Variants in DTNA observed in about 807,000 individuals in gnomAD.
DTNA encodes the protein dystrobrevin alpha, also known as dystrophin-related protein 3.
A neutral mutation model predicts 100.7 loss-of-function variants in DTNA; 43 were observed. The observed-to-expected ratio is 0.43, with a 90% confidence interval of 0.33 to 0.55. The LOEUF (loss-of-function observed/expected upper bound fraction) is 0.55, where lower values mean the gene tolerates loss of function less well. DTNA is among the 20% of genes least tolerant of loss of function. The pLI, the probability that DTNA is intolerant of heterozygous loss-of-function variation, is 0.04. For missense variants in DTNA, 798 were observed against 953.9 expected (o/e 0.84, Z 2.15); for synonymous variants, 349 against 347.9 (o/e 1.00, Z -0.04).
intron 3 of DTNA, among the ~76,000 whole-genome samples, chr18:34,781,860 T>C (rs1047689493): frequency 6.6e-6 from 1 of 152,178 alleles, no homozygotes; most frequent in African/African-American, 2.4e-5. Context: ...CTTCATCTAT[T>C]TGAGTTTATG....
intron 1 of DTNA, among the ~76,000 whole-genome samples, chr18:34,613,812 A>G (rs1440877899): frequency 6.6e-6 from 1 of 152,360 alleles, no homozygotes; most frequent in East Asian, 1.9e-4. Context: ...GTGAAGTACC[A>G]AGTACTGATG....
chr18:34,577,602 G>A (rs1392304448), intron 1 of DTNA, among the ~76,000 whole-genome samples: 2 of 151,940 alleles, frequency 1.3e-5, no homozygotes, highest in Non-Finnish European at 2.9e-5. Flanking sequence ...CCCTTCCCTG[G>A]TGAGTCCCCA....
At chr18:34,498,444 T>A (rs965730394) in intron 1 of DTNA, among the ~76,000 whole-genome samples, 9 of 57,112 alleles carry the variant, frequency 1.6e-4, no homozygotes, top group Non-Finnish European at 2.8e-4. Context: ...GAAAATAATA[T>A]AATAATAATA....
At chr18:34,591,465 T>C (rs1203047807) in intron 1 of DTNA, among the ~76,000 whole-genome samples, 5 of 152,204 alleles carry the variant, frequency 3.3e-5, no homozygotes, top group Admixed American at 3.3e-4. Context: ...TAGTGCTCAC[T>C]CTGAGATACA....
At chr18:34,713,280 A>G (rs2083270082) in intron 1 of DTNA, among the ~76,000 whole-genome samples, 1 of 152,222 alleles carries the variant, frequency 6.6e-6, no homozygotes, top group Non-Finnish European at 1.5e-5. Context: ...AATGGGTAGT[A>G]TGATTCTCAG....
At chr18:34,887,656 TGC>T (rs1338605581) in intron 22 of DTNA, 108 bp from the exon 23 acceptor site, 17 of 750,826 alleles carry the variant, frequency 2.3e-5, no homozygotes, top group South Asian at 1.2e-4. Flanking sequence ...TGTGTGTGTG[TGC>T]GCGCGCACTT....
At chr18:34,667,179 G>GA (rs1225580640) in intron 1 of DTNA, among the ~76,000 whole-genome samples, 5 of 152,086 alleles carry the variant, frequency 3.3e-5, no homozygotes, top group Non-Finnish European at 7.4e-5. Flanking sequence ...TATTCTCTTT[G>GA]AAGCAATTGT....
chr18:34,555,758 T>C (rs2146071109), intron 1 of DTNA, among the ~76,000 whole-genome samples: 1 of 152,364 alleles, frequency 6.6e-6, no homozygotes, highest in African/African-American at 2.4e-5. Flanking sequence ...TTATTATCTC[T>C]GTTCTTTTAC....
intron 1 of DTNA, among the ~76,000 whole-genome samples, chr18:34,689,730 T>C (rs2079460175): frequency 1.3e-5 from 2 of 152,202 alleles, no homozygotes; most frequent in African/African-American, 2.4e-5. Flanking sequence ...TTAAGTTTGC[T>C]GAAGCTGCGC....
chr18:34,674,268 C>G (rs2077131066), intron 1 of DTNA, among the ~76,000 whole-genome samples: 1 of 152,200 alleles, frequency 6.6e-6, no homozygotes, highest in South Asian at 2.1e-4. Flanking sequence ...AACAACTAAA[C>G]TGTCACAGCC....
Position 34,879,679 on chromosome 18 carries a change from A to C in DTNA, c.2122A>C (p.Ile708Leu), listed in dbSNP as rs138145650. 6 of 1,614,016 alleles carry C rather than the reference A, an allele frequency of 3.7e-6. No individual in the cohort carries two copies. Among genetic ancestry groups the C allele is most frequent in the Non-Finnish European group, 5.1e-6 (6 of 1,180,012 alleles). The part of the protein sequence containing the change: ...AQIHARKPGY[I>L]HSGATTSTMR... ...AATCCATGCCCGAAAACCTGGGTAC[A>C]TTCACAGTGGAGCTACCACAAGTAC... The change falls in exon 20 of 23, where the codon ATT becomes CTT. Residue 708 changes from isoleucine (I) to leucine (L), a missense_variant. Around this residue, in one of 6 missense-constraint regions of DTNA, gnomAD observed 242 missense variants for 238.2 expected, o/e 1.02. Transcript: ENST00000444659.
intron 1 of DTNA, among the ~76,000 whole-genome samples, chr18:34,588,060 C>T (rs1021543839): frequency 2.0e-5 from 3 of 152,146 alleles, no homozygotes; most frequent in Admixed American, 6.5e-5. Flanking sequence ...AAACTGATTT[C>T]TTACCCTATC....
chr18:34,565,990 G>T (rs1398889283), intron 1 of DTNA, among the ~76,000 whole-genome samples: 2 of 152,116 alleles, frequency 1.3e-5, no homozygotes, highest in African/African-American at 4.8e-5. Flanking sequence ...AAAATGCCTG[G>T]CAAATAGCAA....
intron 1 of DTNA, among the ~76,000 whole-genome samples, chr18:34,530,813 T>A (rs937667282): frequency 1.3e-5 from 2 of 152,108 alleles, no homozygotes; most frequent in African/African-American, 4.8e-5. Flanking sequence ...TCTTAACCAT[T>A]CTGCTAATTT....
chr18:34,860,187 C>T (rs2096601736), intron 16 of DTNA, among the ~76,000 whole-genome samples: 1 of 148,438 alleles, frequency 6.7e-6, no homozygotes, highest in Non-Finnish European at 1.5e-5. Flanking sequence ...GCTGGGATTA[C>T]AGGCGCGTGC....
intron 1 of DTNA, among the ~76,000 whole-genome samples, chr18:34,494,341 G>A (rs1315988409): frequency 2.0e-5 from 3 of 150,714 alleles, no homozygotes; most frequent in African/African-American, 7.3e-5. Context: ...GCCTGGGTGG[G>A]AGTGGGCTCC....
Position 34,881,195 on chromosome 18 carries a change from G to A in DTNA, c.2163-874G>A, listed in dbSNP as rs1411433851. On this transcript the variant is annotated intron_variant, in intron 20 of 22. Transcript: ENST00000444659. ...ACAACGACATTTAAGTTCCAACCTAGAAACTTCTTCTTGACCACTTATTTC... is the reference window on the plus strand; with the variant it reads ...ACAACGACATTTAAGTTCCAACCTAAAAACTTCTTCTTGACCACTTATTTC... Among the ~76,000 whole-genome samples the A allele has an allele frequency of 2.0e-5, 3 of 152,126 alleles. No individual in the cohort carries two copies. The East Asian group carries it at 5.8e-4, about 29-fold the overall frequency.
In DTNA at chr18:34,790,342, AGGGGTAT is replaced by A. The variant is rs2094668978; in HGVS notation, c.149-3694_149-3688del. On this transcript the variant is annotated intron_variant, in intron 3 of 22. Coordinates refer to ENST00000444659, the MANE Select transcript of DTNA (RefSeq NM_001386795.1). ...ACAGAGCTCTAAGGTGGTGCATGCAAGGGGTATAAAACCCGGAGACAGGGTTTCTGAT... is the reference window on the plus strand; with the variant it reads ...ACAGAGCTCTAAGGTGGTGCATGCAAAAAACCCGGAGACAGGGTTTCTGAT... Among the ~76,000 whole-genome samples the A allele has an allele frequency of 2.0e-5, 3 of 148,894 alleles. 1 individual carries two copies. Among genetic ancestry groups the A allele is most frequent in the African/African-American group, 2.5e-5 (1 of 39,798 alleles).
chr18:34,531,799 C>T (rs1250187219), intron 1 of DTNA, among the ~76,000 whole-genome samples: 2 of 151,972 alleles, frequency 1.3e-5, no homozygotes, highest in African/African-American at 2.4e-5. Flanking sequence ...TCTGAAAAGC[C>T]CTGAAACAAA....
Sources: allele counts gnomAD v4.1 joint callset (sites outside exome capture counted in the v4.1 genomes callset), GRCh38; gene constraint gnomAD v4.1.1; regional missense constraint gnomAD v4.1.1; transcripts MANE v1.5; gene names NCBI Gene and HGNC (gene_info 2026-07-23, HGNC 2026-07-21).